PELP1: variants seen among roughly 807,000 people sequenced by gnomAD.
PELP1 encodes the protein proline, glutamate and leucine rich protein 1, also known as proline-, glutamic acid- and leucine-rich protein 1.
Under a neutral mutation model 95.5 loss-of-function variants are expected in PELP1, and 32 were observed. That is an observed-to-expected ratio of 0.34 (90% CI 0.25 to 0.45). PELP1 has a LOEUF of 0.45. PELP1 is among the 20% of genes least tolerant of loss of function. The probability of loss-of-function intolerance (pLI) is 1.00; values close to 1 mark genes in which losing one functional copy is unlikely to be tolerated. For missense variants in PELP1, 1,358 were observed against 1,444.8 expected (o/e 0.94, Z 0.97); for synonymous variants, 668 against 600.1 (o/e 1.11, Z -1.65).
rs1276247858 is a variant in PELP1, at chr17:4,671,468, G to A, written c.3364C>T (p.Pro1122Ser). 1 of 1,596,968 alleles carries A rather than the reference G, an allele frequency of 6.3e-7. No homozygotes were observed. The highest frequency in any genetic ancestry group is 1.7e-5 in the Admixed American group (1 of 60,002). Residue 1122 changes from proline to serine, a missense_variant, in exon 17 of 17, where the codon CCA (proline) becomes TCA (serine). This residue lies in a region of PELP1 where 283 missense variants were observed against 284.1 expected (regional missense o/e 1.00). Transcript: ENST00000572293. Reference protein sequence around the residue: ...FIDCPPDDEKPPPPTEPDS With the variant: ...FIDCPPDDEKSPPPTEPDS ...GAGTCAGGCTCTGTGGGAGGTGGTG[G>A]CTTCTCATCATCAGGGGGACAATCG...
chr17:4,694,595 G>C (rs1164438258), intron 1 of PELP1, among the ~76,000 whole-genome samples: 2 of 149,328 alleles, frequency 1.3e-5, no homozygotes, highest in African/African-American at 5.0e-5. Flanking sequence ...GGGAGGCGGA[G>C]GTCGCAATGA....
rs950473316 is a variant in PELP1, at chr17:4,673,734, C to G, written c.1583-60G>C. 3.0e-5 allele frequency: 43 copies of G among 1,449,578 alleles called. No individual in the cohort carries two copies. The highest frequency in any genetic ancestry group is 3.9e-5 in the Non-Finnish European group (40 of 1,030,262). 89.8% of individuals were successfully genotyped at this position (1,449,578 alleles called of 1,614,324 possible). ...CCCAACAGACTGACGGCAAGGGCTT[C>G]TGAAGCATACAGCCCAAAATGGGCA... On this transcript the variant is annotated intron_variant, in intron 13 of 16. Coordinates refer to ENST00000572293, the MANE Select transcript of PELP1 (RefSeq NM_014389.3). The surrounding 1 kb of genome is among the most constrained non-coding windows in gnomAD (Gnocchi z 5.7).
Position 4,675,821 on chromosome 17 carries a change from G to A in PELP1, c.1044C>T (p.Thr348=). 6.3e-7 allele frequency: 1 copy of A among 1,585,156 alleles called. No individual in the cohort carries two copies. Among genetic ancestry groups the A allele is most frequent in the Non-Finnish European group, 8.6e-7 (1 of 1,165,616 alleles). ...VQEILDFICR[T]LSVSSKNISL... ...CAATATTCTTGCTACTGACGCTGAG[G>A]GTCCGGCAGATGAAATCCAGGATTT... is the stretch of plus-strand genomic sequence containing the variant. The change falls in exon 9 of 17, where the codon ACC becomes ACT. Residue 348 remains threonine, a synonymous_variant. Coordinates refer to ENST00000572293, the MANE Select transcript of PELP1 (RefSeq NM_014389.3). This position sits in a 1 kb window ranked among gnomAD's most constrained non-coding sequence, Gnocchi z 4.3.
chr17:4,687,315 T>A (rs991737210), intron 3 of PELP1, among the ~76,000 whole-genome samples: 1 of 152,036 alleles, frequency 6.6e-6, no homozygotes, highest in African/African-American at 2.4e-5. Context: ...GAGGCCAAGG[T>A]GGGCAGATCA....
At chr17:4,679,843 A>G (rs553172423) in intron 5 of PELP1, among the ~76,000 whole-genome samples, 2 of 152,242 alleles carry the variant, frequency 1.3e-5, no homozygotes, top group Non-Finnish European at 2.9e-5. Flanking sequence ...CAGCAAGGAC[A>G]CAACCCCTCG....
chr17:4,683,381 T>C (rs190956141), intron 3 of PELP1, among the ~76,000 whole-genome samples: 1,604 of 151,664 alleles, frequency 0.011, 16 homozygotes, highest in African/African-American at 0.019. Flanking sequence ...CCACCACGCC[T>C]GACTAATTTT....
intron 1 of PELP1, among the ~76,000 whole-genome samples, chr17:4,696,007 T>TA (rs145740556): frequency 0.19 from 22,785 of 117,882 alleles, 3,191 homozygotes; most frequent in African/African-American, 0.42. Flanking sequence ...CTGATAACCA[T>TA]AAAAAAAAGA....
chr17:4,674,303 C>T (rs576099641), intron 13 of PELP1, among the ~76,000 whole-genome samples: 8 of 152,378 alleles, frequency 5.3e-5, no homozygotes, highest in South Asian at 2.1e-4. Context: ...GGCCTCTCTG[C>T]GGGCTTCCGC....
chr17:4,671,659 G>C, intron 16 of PELP1, 32 bp downstream of exon 16: 1 of 1,599,638 alleles, frequency 6.3e-7, no homozygotes, highest in Non-Finnish European at 8.5e-7. Context: ...CCACCTTCTC[G>C]CCCAAGGAAC....
intron 5 of PELP1, among the ~76,000 whole-genome samples, chr17:4,679,849 C>T (rs950655031): frequency 6.6e-6 from 1 of 152,296 alleles, no homozygotes; most frequent in South Asian, 2.1e-4. Flanking sequence ...GGACACAACC[C>T]CTCGCTCACT....
At chr17:4,680,898 A>AT (rs1912660046) in intron 5 of PELP1, among the ~76,000 whole-genome samples, 2 of 152,228 alleles carry the variant, frequency 1.3e-5, no homozygotes, top group Admixed American at 6.5e-5. Flanking sequence ...CTGCTTAGGC[A>AT]GAATTTGTAA....
Position 4,672,945 on chromosome 17 carries a change from G to A in PELP1, c.2046C>T (p.Pro682=). ...AGGGCATGGGGCCTGCTGAAGGCAT[G>A]GGGCCTGCTGAGGGCATGGAGCCCA... The part of the protein sequence containing the change: ...PSVGSMPSAG[P]MPSAGPMPSA... The change falls in exon 16 of 17, where the codon CCC becomes CCT. Residue 682 remains proline, a synonymous_variant. Coordinates refer to ENST00000572293, the MANE Select transcript of PELP1 (RefSeq NM_014389.3). 6.2e-7 allele frequency: 1 copy of A among 1,606,856 alleles called. No individual in the cohort carries two copies. The highest frequency in any genetic ancestry group is 8.5e-7 in the Non-Finnish European group (1 of 1,176,042).
intron 5 of PELP1, among the ~76,000 whole-genome samples, chr17:4,680,649 G>A (rs1416410021): frequency 6.6e-6 from 1 of 152,138 alleles, no homozygotes; most frequent in African/African-American, 2.4e-5. Context: ...GGCAAATACA[G>A]TTAACTCCAC....
At chr17:4,683,239 G>A in intron 3 of PELP1, 1 of 221,794 alleles carries the variant, frequency 4.5e-6, no homozygotes, top group Non-Finnish European at 6.4e-6. Context: ...TTTTTTTTTT[G>A]AGACGGAGTC....
Position 4,672,769 on chromosome 17 carries a change from G to T in PELP1, c.2222C>A (p.Ala741Asp). ...RAGSNEDPIL[A>D]PSGTPPPTIP... ...AGTAGGTGGGGGAGTCCCACTAGGG[G>T]CAAGGATGGGGTCCTCATTTGAGCC... is the stretch of plus-strand genomic sequence containing the variant. Residue 741 changes from alanine (A) to aspartate (D), a missense_variant, in exon 16 of 17, where the codon GCC (alanine) becomes GAC (aspartate). Physicochemically the swap from Ala to Asp is moderately radical, Grantham distance 126 (BLOSUM62 -2). Coordinates refer to ENST00000572293, the MANE Select transcript of PELP1 (RefSeq NM_014389.3). 1 of 1,613,658 alleles carries T rather than the reference G, an allele frequency of 6.2e-7. No individual in the cohort carries two copies. The highest frequency in any genetic ancestry group is 8.5e-7 in the Non-Finnish European group (1 of 1,179,718).
At position 4,673,232 on chromosome 17, in the gene PELP1, T is replaced by A; in HGVS notation, c.1845+18A>T. ...GAGACTCCAGGAACCAAAGAGGGGCTTGGCCCATCACAGTTACCTCAAGGC... is the reference window on the plus strand; with the variant it reads ...GAGACTCCAGGAACCAAAGAGGGGCATGGCCCATCACAGTTACCTCAAGGC... On this transcript the variant is annotated intron_variant, in intron 15 of 16. Coordinates refer to ENST00000572293, the MANE Select transcript of PELP1 (RefSeq NM_014389.3). This position sits in a 1 kb window ranked among gnomAD's most constrained non-coding sequence, Gnocchi z 5.7. 6.4e-7 allele frequency: 1 copy of A among 1,556,766 alleles called. No homozygotes were observed. The highest frequency in any genetic ancestry group is 8.7e-7 in the Non-Finnish European group (1 of 1,148,108).
chr17:4,681,360 CA>C (rs1912678453), intron 5 of PELP1, among the ~76,000 whole-genome samples: 2 of 146,602 alleles, frequency 1.4e-5, no homozygotes, highest in Admixed American at 1.4e-4. Flanking sequence ...TGGCATATGT[CA>C]GTAATCCCAG....
intron 1 of PELP1, among the ~76,000 whole-genome samples, chr17:4,703,498 T>A (rs1913629240): frequency 6.6e-6 from 1 of 152,116 alleles, no homozygotes; most frequent in South Asian, 2.1e-4. Context: ...GCTCGGTAAA[T>A]GTTTATTGTT....
At chr17:4,701,248 G>A (rs1043016781) in intron 1 of PELP1, among the ~76,000 whole-genome samples, 1 of 151,586 alleles carries the variant, frequency 6.6e-6, no homozygotes, top group Non-Finnish European at 1.5e-5. Flanking sequence ...GTCAATCATA[G>A]GTGGCCAAGA....
Sources: allele counts gnomAD v4.1 joint callset (sites outside exome capture counted in the v4.1 genomes callset), GRCh38; gene constraint gnomAD v4.1.1; regional missense constraint gnomAD v4.1.1; non-coding constraint Gnocchi (gnomAD v3.1); transcripts MANE v1.5; gene names NCBI Gene and HGNC (gene_info 2026-07-23, HGNC 2026-07-21).